Variants in BIRC6 observed in about 807,000 individuals in gnomAD.
BIRC6 encodes the protein baculoviral IAP repeat containing 6, also known as dual E2 ubiquitin-conjugating enzyme/E3 ubiquitin-protein ligase BIRC6.
BIRC6 carries 98 observed loss-of-function variants against 503.3 expected under a neutral mutation model. That is an observed-to-expected ratio of 0.19 (90% CI 0.17 to 0.23). The LOEUF (loss-of-function observed/expected upper bound fraction) is 0.23, where lower values mean the gene tolerates loss of function less well. Ranked by LOEUF, BIRC6 falls within the 10% of genes least tolerant of loss-of-function variation. BIRC6 has a pLI of 1.00. For missense variants in BIRC6, 5,360 were observed against 5,806.0 expected (o/e 0.92, Z 2.50); for synonymous variants, 2,240 against 2,078.7 (o/e 1.08, Z -2.11).
intron 66 of BIRC6, among the ~76,000 whole-genome samples, chr2:32,586,987 A>G (rs748256903): frequency 2.0e-5 from 3 of 152,230 alleles, no homozygotes; most frequent in African/African-American, 4.8e-5. Context: ...TTTATCTGCT[A>G]AATTAAACTT....
At chr2:32,502,985 T>C in intron 48 of BIRC6, 57 bp from the exon 49 acceptor site, 1 of 1,518,444 alleles carries the variant, frequency 6.6e-7, no homozygotes, top group Non-Finnish European at 8.9e-7. Context: ...AGTTTACTTT[T>C]GATGTTGAAC....
In BIRC6 at chr2:32,617,846, T is replaced by A; in HGVS notation, c.14516T>A (p.Met4839Lys). The A allele has an allele frequency of 1.9e-6, 3 of 1,613,986 alleles. No individual in the cohort carries two copies. Among genetic ancestry groups the A allele is most frequent in the Non-Finnish European group, 2.5e-6 (3 of 1,179,868 alleles). Residue 4839 changes from methionine (M) to lysine (K), a missense_variant, in exon 74 of 74, where the codon ATG becomes AAG. Around this residue, in one of 16 missense-constraint regions of BIRC6, gnomAD observed 140 missense variants for 130.2 expected, o/e 1.07. Transcript: ENST00000421745. ...ACAACAGGTGCTGAGGAGACTCTAA[T>A]GCATGATCAGGTTAAACCCAGCAGC... ...RATTGAEETL[M>K]HDQVKPSSSK...
intron 6 of BIRC6, among the ~76,000 whole-genome samples, chr2:32,398,892 C>T (rs2040282529): frequency 6.6e-6 from 1 of 152,050 alleles, no homozygotes; most frequent in Non-Finnish European, 1.5e-5. Context: ...AAGACATCTA[C>T]ATATTAAAAA....
chr2:32,571,916 A>G (rs890536275), intron 65 of BIRC6, among the ~76,000 whole-genome samples: 8 of 151,806 alleles, frequency 5.3e-5, no homozygotes, highest in African/African-American at 1.9e-4. Flanking sequence ...AGTTTTTCTG[A>G]TGTTGCGTTT....
intron 39 of BIRC6, among the ~76,000 whole-genome samples, chr2:32,485,218 A>C (rs1397801774): frequency 6.6e-6 from 1 of 152,196 alleles, no homozygotes; most frequent in Non-Finnish European, 1.5e-5. Flanking sequence ...GTGTGAACAC[A>C]CACACTTGGC....
At chr2:32,443,633 A>G in intron 20 of BIRC6, 45 bp downstream of exon 20, 1 of 1,355,030 alleles carries the variant, frequency 7.4e-7, no homozygotes, top group Non-Finnish European at 1.0e-6. Context: ...GTCATATGGA[A>G]CATCTCATAT....
chr2:32,435,561 C>T lies in BIRC6; in HGVS notation c.3475C>T (p.His1159Tyr). The change falls in exon 14 of 74, where the codon CAC (histidine) becomes TAC (tyrosine). Residue 1159 changes from histidine (H) to tyrosine (Y), a missense_variant. His to Tyr is a moderately conservative substitution (Grantham distance 83). This residue lies in a region of BIRC6 where 2,299 missense variants were observed against 2,267.2 expected (regional missense o/e 1.01). Transcript: ENST00000421745. Reference protein sequence around the residue: ...SLVDLNEEMQHMDVEESQCLR... With the variant: ...SLVDLNEEMQYMDVEESQCLR... ...GGTTGATTTGAATGAAGAAATGCAG[C>T]ACATGGATGTAGAGGAATCACAGTG... 6.4e-7 allele frequency: 1 copy of T among 1,554,594 alleles called. No homozygotes were observed. The highest frequency in any genetic ancestry group is 8.7e-7 in the Non-Finnish European group (1 of 1,148,038).
In BIRC6 at chr2:32,415,829, A is replaced by G. The variant is rs779097285; in HGVS notation, c.2538A>G (p.Ile846Met). ...IVTLEEEPIK[I>M]QHIKDPQDTI... ...CTTTAGAAGAGGAGCCAATAAAAAT[A>G]CAACATATCAAAGATCCCCAGGACA... Residue 846 changes from isoleucine (I) to methionine (M), a missense_variant, in exon 10 of 74, where the codon ATA becomes ATG. Physicochemically the swap from Ile to Met is conservative, Grantham distance 10. This residue lies in a region of BIRC6 where 700 missense variants were observed against 739.3 expected (regional missense o/e 0.95). Transcript: ENST00000421745. 3.1e-6 allele frequency: 5 copies of G among 1,613,890 alleles called. No individual in the cohort carries two copies. The highest frequency in any genetic ancestry group is 1.1e-5 in the South Asian group (1 of 91,084).
intron 33 of BIRC6, among the ~76,000 whole-genome samples, chr2:32,475,432 G>A (rs1375139860): frequency 6.6e-5 from 10 of 152,070 alleles, no homozygotes. Context: ...TTTAGGGATG[G>A]GGGAGATAGG....
At chr2:32,512,810 CA>C in intron 53 of BIRC6, 122 bp from the exon 54 acceptor site, 1 of 709,406 alleles carries the variant, frequency 1.4e-6, no homozygotes. Context: ...TTAAAATAAT[CA>C]AAAACAATTA....
At chr2:32,605,617 A>T (rs1437311867) in intron 71 of BIRC6, among the ~76,000 whole-genome samples, 2 of 152,130 alleles carry the variant, frequency 1.3e-5, no homozygotes, top group Non-Finnish European at 2.9e-5. Flanking sequence ...TAATTTCAGC[A>T]CTTTGGGAGG....
At chr2:32,369,117 A>G (rs1194038626) in intron 1 of BIRC6, among the ~76,000 whole-genome samples, 1 of 152,196 alleles carries the variant, frequency 6.6e-6, no homozygotes, top group East Asian at 1.9e-4. Flanking sequence ...TAGCATCAGT[A>G]CAGATATCCA....
At position 32,511,048 on chromosome 2, in the gene BIRC6, C is replaced by G. The variant is rs183853108; in HGVS notation, c.10346+414C>G. On this transcript the variant is annotated intron_variant, in intron 53 of 73. Transcript: ENST00000421745. The stretch of plus-strand genomic sequence containing the variant: ...TACTTCAACTGTTTTTATAATGGTT[C>G]TGTTTATTTATTATTGATTATCGTA... Among the ~76,000 whole-genome samples, 372 of 152,128 alleles carry G rather than the reference C, an allele frequency of 2.4e-3. 3 individuals carry two copies. Among genetic ancestry groups the G allele is most frequent in the Non-Finnish European group, 3.5e-3 (235 of 68,000 alleles).
chr2:32,508,263 T>C lies in BIRC6; in HGVS notation c.9980+4T>C, dbSNP rs368929510. The C allele has an allele frequency of 3.0e-5, 45 of 1,504,650 alleles. No homozygotes were observed. In the African/African-American group the frequency reaches 6.2e-4, roughly 21 times the overall value. The allele number at this position is 1,504,650 out of a possible 1,614,324, so 93.2% of individuals were successfully genotyped here. ...AAGATCAGGTATCCAAAACAAGGTA[T>C]GTTTTGTTTGTCCTTTTTTTTTTTT... On this transcript the variant is annotated splice_donor_region_variant and intron_variant, in intron 51 of 73. Transcript: ENST00000421745.
chr2:32,612,536 A>C (rs1177193729), intron 73 of BIRC6, among the ~76,000 whole-genome samples: 2 of 152,002 alleles, frequency 1.3e-5, no homozygotes, highest in Non-Finnish European at 2.9e-5. Flanking sequence ...CTTCACTTCA[A>C]ACAACTAGTT....
At chr2:32,567,249 C>T (rs756878255) in intron 65 of BIRC6, among the ~76,000 whole-genome samples, 3 of 152,216 alleles carry the variant, frequency 2.0e-5, no homozygotes, top group South Asian at 2.1e-4. Context: ...GGATTACAGG[C>T]GTGAGCCACC....
chr2:32,482,532 C>A lies in BIRC6; in HGVS notation c.7646C>A (p.Ala2549Glu). The A allele has an allele frequency of 3.1e-6, 5 of 1,613,970 alleles. No individual in the cohort carries two copies. The highest frequency in any genetic ancestry group is 4.2e-6 in the Non-Finnish European group (5 of 1,179,860). ...GGAATTCCTGTAGCAAAGCCACCAGCAAACACGGAGAAGAACGGATCACAG... is the reference window on the plus strand; with the variant it reads ...GGAATTCCTGTAGCAAAGCCACCAGAAAACACGGAGAAGAACGGATCACAG... Reference protein sequence around the residue: ...GLGIPVAKPPANTEKNGSQTV... With the variant: ...GLGIPVAKPPENTEKNGSQTV... The change falls in exon 39 of 74, where the codon GCA becomes GAA. Residue 2549 changes from alanine to glutamate, a missense_variant. Physicochemically the swap from Ala to Glu is moderately radical, Grantham distance 107. Around this residue, in one of 16 missense-constraint regions of BIRC6, gnomAD observed 2,299 missense variants for 2,267.2 expected, o/e 1.01. Transcript: ENST00000421745.
chr2:32,511,201 C>CTTTCTTTT (rs2054366600), intron 53 of BIRC6, among the ~76,000 whole-genome samples: 1 of 48,582 alleles, frequency 2.1e-5, no homozygotes, highest in Non-Finnish European at 3.6e-5. Context: ...CTTTTCTTTT[C>CTTTCTTTT]TTTTTTTTTT....
chr2:32,446,166 C>CT (rs1417960724), intron 21 of BIRC6, among the ~76,000 whole-genome samples: 2 of 152,186 alleles, frequency 1.3e-5, no homozygotes, highest in Non-Finnish European at 2.9e-5. Flanking sequence ...AGAAATTACT[C>CT]TTTAACAGTT....
Sources: gnomAD v4.1 joint callset for allele counts (sites outside exome capture counted in the v4.1 genomes callset) on GRCh38, gnomAD v4.1.1 for gene constraint, gnomAD v4.1.1 regional missense constraint, MANE v1.5 for transcripts, NCBI Gene and HGNC (gene_info 2026-07-23, HGNC 2026-07-21) for gene names.